Variants in CDC40 observed in about 807,000 individuals in gnomAD.
The protein encoded by CDC40 is pre-mRNA-processing factor 17.
In CDC40, 27 loss-of-function variants were observed where a neutral mutation model predicts 80.6. The ratio of observed to expected loss-of-function variants is 0.33; its 90% CI spans 0.25 to 0.46. The LOEUF is 0.46. Ranked by LOEUF, CDC40 falls within the 20% of genes least tolerant of loss-of-function variation. The probability of loss-of-function intolerance (pLI) is 1.00; values close to 1 mark genes in which losing one functional copy is unlikely to be tolerated. For missense variants in CDC40, 486 were observed against 694.1 expected, an observed-to-expected ratio of 0.70 and a Z score of 3.37; for synonymous variants, 221 against 232.6, an observed-to-expected ratio of 0.95 and a Z score of 0.45.
At chr6:110,211,600 T>TAC (rs1340503460) in intron 6 of CDC40, 2 of 152,744 alleles carry the variant, frequency 1.3e-5, no homozygotes, top group African/African-American at 4.8e-5. Flanking sequence ...TTGCTGTATA[T>TAC]ATACTATGTC....
intron 7 of CDC40, 101 bp downstream of exon 7, chr6:110,212,373 G>T (rs1214318257): frequency 8.6e-7 from 1 of 1,162,066 alleles, no homozygotes; most frequent in Non-Finnish European, 1.2e-6. Flanking sequence ...TCTGGTAAAG[G>T]TACAGGGAAG....
At chr6:110,203,343 A>T (rs892435238) in intron 3 of CDC40, among the ~76,000 whole-genome samples, 9 of 152,184 alleles carry the variant, frequency 5.9e-5, no homozygotes, top group Non-Finnish European at 1.2e-4. Flanking sequence ...CCAGATTCCT[A>T]TCAACTTTTG....
intron 6 of CDC40, 51 bp downstream of exon 6, chr6:110,210,854 C>G: frequency 1.1e-6 from 1 of 911,340 alleles, no homozygotes; most frequent in African/African-American, 1.7e-5. Flanking sequence ...TTCATATTTA[C>G]TCTGTTCGCT....
At chr6:110,225,685 C>T (rs1214400097) in intron 12 of CDC40, among the ~76,000 whole-genome samples, 1 of 152,168 alleles carries the variant, frequency 6.6e-6, no homozygotes, top group African/African-American at 2.4e-5. Context: ...CAGTAAATAA[C>T]ACTTCCCCAT....
chr6:110,190,419 C>T (rs1023201757), intron 1 of CDC40, among the ~76,000 whole-genome samples: 2 of 152,110 alleles, frequency 1.3e-5, no homozygotes, highest in Admixed American at 1.3e-4. Flanking sequence ...GAAGCCCTAA[C>T]TAGGCCATTG....
intron 14 of CDC40, 40 bp from the exon 15 acceptor site, chr6:110,229,914 G>C: frequency 7.4e-7 from 1 of 1,359,414 alleles, no homozygotes; most frequent in Non-Finnish European, 1.0e-6. Context: ...CCAATTTAAG[G>C]TATTTTAATA....
chr6:110,220,256 A>T (rs1777751336), intron 12 of CDC40, among the ~76,000 whole-genome samples: 2 of 152,106 alleles, frequency 1.3e-5, no homozygotes, highest in Non-Finnish European at 2.9e-5. Flanking sequence ...AGTGGTGTAT[A>T]TCTTAATTTT....
chr6:110,219,422 T>C lies in CDC40; in HGVS notation c.1149T>C (p.Pro383=), dbSNP rs779192233. Residue 383 remains proline (P), a synonymous_variant, in exon 11 of 15, where the codon CCT becomes CCC. Coordinates refer to ENST00000307731, the MANE Select transcript of CDC40 (RefSeq NM_015891.3). ...RKVPYCVKFN[P]DEDKQNLFVA... is the part of the protein sequence containing the mutation. ...TACCTTATTGTGTCAAATTCAATCC[T>C]GATGAAGATAAGCAAAATCTCTTTG... 6.2e-7 allele frequency: 1 copy of C among 1,611,064 alleles called. No homozygotes were observed. Among genetic ancestry groups the C allele is most frequent in the Non-Finnish European group, 8.5e-7 (1 of 1,177,472 alleles).
intron 1 of CDC40, among the ~76,000 whole-genome samples, chr6:110,191,867 G>A (rs1777353006): frequency 6.6e-6 from 1 of 152,132 alleles, no homozygotes; most frequent in African/African-American, 2.4e-5. Context: ...TGACTTTATT[G>A]AAATATAATT....
intron 12 of CDC40, among the ~76,000 whole-genome samples, chr6:110,224,756 G>C (rs570046617): frequency 3.3e-5 from 5 of 152,134 alleles, no homozygotes; most frequent in Admixed American, 3.3e-4. Context: ...AGTCCACCGG[G>C]TAGTTCAAAT....
rs924812651 is a variant in CDC40, at chr6:110,212,118, G to T, written c.728-15G>T. ...TTGTATTTGTTTATTGATTTTCTTT[G>T]CCTTTTTGTTTCAGTTAAAGAAATG... On this transcript the variant is annotated splice_polypyrimidine_tract_variant and intron_variant, in intron 6 of 14. Coordinates refer to ENST00000307731, the MANE Select transcript of CDC40 (RefSeq NM_015891.3). 1.1e-5 allele frequency: 18 copies of T among 1,604,356 alleles called. No individual in the cohort carries two copies. Among genetic ancestry groups the T allele is most frequent in the Non-Finnish European group, 1.4e-5 (17 of 1,173,072 alleles).
chr6:110,195,471 A>G (rs1330749301), intron 2 of CDC40, among the ~76,000 whole-genome samples: 1 of 152,200 alleles, frequency 6.6e-6, no homozygotes, highest in Non-Finnish European at 1.5e-5. Context: ...AATCCAGGTC[A>G]AGAACATGAG....
At chr6:110,191,780 G>A (rs751934794) in intron 1 of CDC40, among the ~76,000 whole-genome samples, 2 of 152,202 alleles carry the variant, frequency 1.3e-5, no homozygotes, top group Non-Finnish European at 2.9e-5. Context: ...GGTAGGGGCA[G>A]GGGGCTGATG....
chr6:110,188,954 G>A (rs1006229774), intron 1 of CDC40, among the ~76,000 whole-genome samples: 4 of 152,132 alleles, frequency 2.6e-5, no homozygotes, highest in South Asian at 2.1e-4. Flanking sequence ...ACACTTCCTG[G>A]TAATTCTAAG....
At chr6:110,196,749 T>G (rs1370978148) in intron 2 of CDC40, among the ~76,000 whole-genome samples, 3 of 152,086 alleles carry the variant, frequency 2.0e-5, no homozygotes, top group Non-Finnish European at 4.4e-5. Flanking sequence ...CTAATGAAAT[T>G]TTCTCATACT....
chr6:110,215,481 AC>A (rs1777688644), intron 9 of CDC40, 150 bp downstream of exon 9: 1 of 688,818 alleles, frequency 1.5e-6, no homozygotes, highest in Admixed American at 2.6e-5. Flanking sequence ...CCCCAGTTAG[AC>A]AAAGAAAGAG....
chr6:110,193,221 A>C lies in CDC40; in HGVS notation c.229A>C (p.Lys77Gln), dbSNP rs935478990. Reference protein sequence around the residue: ...ETGVHLDPAVKEVQYNPTYET... With the variant: ...ETGVHLDPAVQEVQYNPTYET... ...TGGAGTTCACCTTGACCCTGCCGTC[A>C]AAGAAGTTCAGTATAATCCTACCTA... Residue 77 changes from lysine (K) to glutamine (Q), a missense_variant, in exon 2 of 15, where the codon AAA becomes CAA. This residue lies in a region of CDC40 where 381 missense variants were observed against 492.1 expected (regional missense o/e 0.77). Coordinates refer to ENST00000307731, the MANE Select transcript of CDC40 (RefSeq NM_015891.3). 6.2e-7 allele frequency: 1 copy of C among 1,610,626 alleles called. No homozygotes were observed. The highest frequency in any genetic ancestry group is 1.7e-5 in the Admixed American group (1 of 59,990).
At chr6:110,226,597 G>A (rs1018214763) in intron 13 of CDC40, among the ~76,000 whole-genome samples, 3 of 143,096 alleles carry the variant, frequency 2.1e-5, no homozygotes, top group Non-Finnish European at 3.0e-5. Context: ...TCTTCTTTTC[G>A]AGACAGGGTC....
Position 110,186,503 on chromosome 6 carries a change from A to ATAC in CDC40, c.189+5870_189+5871insTAC, listed in dbSNP as rs1562198613. Among the ~76,000 whole-genome samples the ATAC allele has an allele frequency of 9.3e-5, 13 of 139,694 alleles. No individual in the cohort carries two copies. In the East Asian group the frequency reaches 9.9e-4, roughly 11 times the overall value. The allele number at this position is 139,694 out of a possible 152,430, so 91.6% of individuals were successfully genotyped here. A position where few individuals can be genotyped will look rare whatever the true frequency, so the allele number is the denominator to read the frequency against. ...TGTCTCATAAATAAATAAATAAATA[A>ATAC]ATAAATACATAAAATGCTTTCATTT... On this transcript the variant is annotated intron_variant, in intron 1 of 14. Transcript: ENST00000307731.
Sources: gnomAD v4.1 joint callset for allele counts (sites outside exome capture counted in the v4.1 genomes callset) on GRCh38, gnomAD v4.1.1 for gene constraint, gnomAD v4.1.1 regional missense constraint, MANE v1.5 for transcripts, NCBI Gene and HGNC (gene_info 2026-07-23, HGNC 2026-07-21) for gene names.